The following SORCS2 variants were observed in gnomAD, a reference collection of about 807,000 sequenced individuals.
SORCS2 encodes sortilin related VPS10 domain containing receptor 2.
SORCS2 carries 100 observed loss-of-function variants against 141.6 expected under a neutral mutation model. The ratio of observed to expected loss-of-function variants is 0.71; its 90% CI spans 0.60 to 0.83. The LOEUF is 0.83. Ranked by LOEUF, SORCS2 falls within the 40% of genes least tolerant of loss-of-function variation. SORCS2 has a pLI of 0.00. For missense variants in SORCS2, 1,646 were observed against 1,560.2 expected, an observed-to-expected ratio of 1.05 and a Z score of -0.93; for synonymous variants, 789 against 676.9, an observed-to-expected ratio of 1.17 and a Z score of -2.57.
chr4:7,541,596 G>A lies in SORCS2; in HGVS notation c.648+9967G>A, dbSNP rs575407266. ...CAGGGCCTTGCTCGGGGGCGCCCAGGCAGCCAGGCCTCTCCCTCAAGTGGT... is the reference window on the plus strand; with the variant it reads ...CAGGGCCTTGCTCGGGGGCGCCCAGACAGCCAGGCCTCTCCCTCAAGTGGT... On this transcript the variant is annotated intron_variant, in intron 3 of 26. Coordinates refer to ENST00000507866, the MANE Select transcript of SORCS2 (RefSeq NM_020777.3). Among the ~76,000 whole-genome samples, 6 of 152,320 alleles carry A rather than the reference G, an allele frequency of 3.9e-5. No homozygotes were observed. In the East Asian group the frequency reaches 1.2e-3, roughly 30 times the overall value.
intron 1 of SORCS2, among the ~76,000 whole-genome samples, chr4:7,388,614 C>T (rs1174812239): frequency 6.6e-6 from 1 of 152,030 alleles, no homozygotes; most frequent in Non-Finnish European, 1.5e-5. Flanking sequence ...AGCATTTCAC[C>T]ATGTTTCTTC....
intron 14 of SORCS2, among the ~76,000 whole-genome samples, chr4:7,706,210 GGCTCCGTCTGGGCAGGGATGAGGCTGC>G (rs1725441546): frequency 4.0e-5 from 5 of 125,222 alleles, no homozygotes; most frequent in African/African-American, 5.9e-5. Flanking sequence ...GATGAGGCTG[GGCTCCGTCTGGGCAGGGATGAGGCTGC>G]GCTCCGCCTG....
In SORCS2 at chr4:7,695,940, G is replaced by GTGGATGGATGGA. The variant is rs779120222; in HGVS notation, c.1592-1237_1592-1226dup. 1.6e-4 allele frequency among the ~76,000 whole-genome samples: 14 copies of GTGGATGGATGGA among 88,526 alleles called. 3 individuals carry two copies. Among genetic ancestry groups the GTGGATGGATGGA allele is most frequent in the South Asian group, 1.0e-3 (3 of 2,898 alleles). 58.1% of individuals were successfully genotyped at this position (88,526 alleles called of 152,430 possible). On this transcript the variant is annotated intron_variant, in intron 11 of 26. Coordinates refer to ENST00000507866, the MANE Select transcript of SORCS2 (RefSeq NM_020777.3). ...GATGGATGGATTGGTGGGTGGGTGG[G>GTGGATGGATGGA]TGGATGGATGGATGGATGGATGGAT...
chr4:7,471,587 C>T (rs1051707256), intron 2 of SORCS2, among the ~76,000 whole-genome samples: 2 of 152,240 alleles, frequency 1.3e-5, no homozygotes, highest in Admixed American at 6.5e-5. Flanking sequence ...ACCCCGTTCT[C>T]GGTTCCTGGA....
intron 2 of SORCS2, among the ~76,000 whole-genome samples, chr4:7,397,399 A>G (rs1338545172): frequency 6.6e-6 from 1 of 151,340 alleles, no homozygotes; most frequent in Non-Finnish European, 1.5e-5. Flanking sequence ...GGTTTAAGAC[A>G]CTCACAGTCC....
At chr4:7,560,231 A>G (rs528091717) in intron 3 of SORCS2, among the ~76,000 whole-genome samples, 2 of 152,320 alleles carry the variant, frequency 1.3e-5, no homozygotes, top group African/African-American at 2.4e-5. Context: ...AGCTTCTGGC[A>G]GACTCTCGGG....
intron 1 of SORCS2, among the ~76,000 whole-genome samples, chr4:7,374,421 G>A (rs941823922): frequency 1.3e-5 from 2 of 152,146 alleles, no homozygotes; most frequent in Non-Finnish European, 2.9e-5. Flanking sequence ...CACATCATGA[G>A]CAAGGTGGAT....
Position 7,725,154 on chromosome 4 carries a change from C to A in SORCS2, c.2612C>A (p.Ser871Tyr). 2 of 1,612,286 alleles carry A rather than the reference C, an allele frequency of 1.2e-6. No individual in the cohort carries two copies. Among genetic ancestry groups the A allele is most frequent in the Non-Finnish European group, 1.7e-6 (2 of 1,179,010 alleles). The change falls in exon 20 of 27, where the codon TCC (serine) becomes TAC (tyrosine). Residue 871 changes from serine (S) to tyrosine (Y), a missense_variant and splice_region_variant. Ser to Tyr is a moderately radical substitution (Grantham distance 144, BLOSUM62 -2). Transcript: ENST00000507866. ...CCCTGGCCTTTTTGGGTCCCCACAGCCCCCCTGCAGGCCCTCTACCTGGAG... is the reference window on the plus strand; with the variant it reads ...CCCTGGCCTTTTTGGGTCCCCACAGACCCCCTGCAGGCCCTCTACCTGGAG... ...DEAVLFVQVNSPLQALYLEVV... is the reference protein window; with the variant it reads ...DEAVLFVQVNYPLQALYLEVV...
intron 11 of SORCS2, among the ~76,000 whole-genome samples, chr4:7,696,017 T>C (rs181348844): frequency 1.3e-5 from 2 of 152,016 alleles, no homozygotes; most frequent in East Asian, 3.9e-4. Context: ...GATGGGTGGA[T>C]TTACGAGTAG....
chr4:7,253,783 T>C (rs1229652235), intron 1 of SORCS2, among the ~76,000 whole-genome samples: 1 of 152,170 alleles, frequency 6.6e-6, no homozygotes, highest in Non-Finnish European at 1.5e-5. Flanking sequence ...TGCAGGAGGG[T>C]ACACGCACTG....
chr4:7,465,463 G>A (rs1477836904), intron 2 of SORCS2, among the ~76,000 whole-genome samples: 4 of 152,190 alleles, frequency 2.6e-5, no homozygotes, highest in Admixed American at 6.5e-5. Context: ...AGGCTTCCCT[G>A]TGCAAGGCGC....
intron 1 of SORCS2, among the ~76,000 whole-genome samples, chr4:7,366,933 C>T (rs555505782): frequency 2.8e-4 from 42 of 152,310 alleles, no homozygotes; most frequent in African/African-American, 7.2e-4. Flanking sequence ...TGAGTGCCTA[C>T]GCCTGAGAGG....
chr4:7,629,662 C>G lies in SORCS2; in HGVS notation c.649-8666C>G, dbSNP rs73218630. On this transcript the variant is annotated intron_variant, in intron 3 of 26. Coordinates refer to ENST00000507866, the MANE Select transcript of SORCS2 (RefSeq NM_020777.3). ...TCCTGCCATGCCTGGATGAGCTGTT[C>G]CTTTCCGGCACCCCCAGCCAGGAGT... Among the ~76,000 whole-genome samples, 1,108 of 151,656 alleles carry G rather than the reference C, an allele frequency of 7.3e-3. 10 individuals carry two copies. Among genetic ancestry groups the G allele is most frequent in the Non-Finnish European group, 0.013 (879 of 67,934 alleles).
chr4:7,388,117 C>T lies in SORCS2; in HGVS notation c.481-8171C>T, dbSNP rs973881148. Among the ~76,000 whole-genome samples the T allele has an allele frequency of 1.5e-4, 23 of 152,150 alleles. No individual in the cohort carries two copies. The East Asian group carries it at 4.4e-3, about 29-fold the overall frequency. On this transcript the variant is annotated intron_variant, in intron 1 of 26. Coordinates refer to ENST00000507866, the MANE Select transcript of SORCS2 (RefSeq NM_020777.3). ...ACACATGCATGCACAGACACATGCA[C>T]ACACATGTGCACACAGATGCACACA... is the stretch of plus-strand genomic sequence containing the variant.
intron 1 of SORCS2, among the ~76,000 whole-genome samples, chr4:7,320,189 C>G (rs1167588193): frequency 1.3e-5 from 2 of 152,288 alleles, no homozygotes; most frequent in East Asian, 3.9e-4. Flanking sequence ...ATATGCATCA[C>G]TTAAAAATAT....
intron 8 of SORCS2, among the ~76,000 whole-genome samples, chr4:7,669,575 GTTTTA>G (rs2108935785): frequency 6.6e-6 from 1 of 152,338 alleles, no homozygotes; most frequent in Non-Finnish European, 1.5e-5. Flanking sequence ...AGATGTTGTT[GTTTTA>G]TGGTGAATTT....
intron 3 of SORCS2, among the ~76,000 whole-genome samples, chr4:7,535,341 G>A (rs1219358963): frequency 6.6e-6 from 1 of 152,216 alleles, no homozygotes; most frequent in Admixed American, 6.5e-5. Context: ...GGCCAGGAGT[G>A]CAGCGGATGT....
chr4:7,590,252 G>A (rs922061460), intron 3 of SORCS2, among the ~76,000 whole-genome samples: 19 of 152,150 alleles, frequency 1.2e-4, no homozygotes, highest in Admixed American at 6.5e-4. Context: ...AATATGTGGC[G>A]GAAAATTATG....
At chr4:7,323,174 A>C (rs1374053546) in intron 1 of SORCS2, among the ~76,000 whole-genome samples, 3 of 152,232 alleles carry the variant, frequency 2.0e-5, no homozygotes, top group Non-Finnish European at 4.4e-5. Flanking sequence ...CTTACACTTC[A>C]CTAAGATAAC....
Sources: allele counts gnomAD v4.1 joint callset (sites outside exome capture counted in the v4.1 genomes callset), GRCh38; gene constraint gnomAD v4.1.1; transcripts MANE v1.5; gene names NCBI Gene and HGNC (gene_info 2026-07-23, HGNC 2026-07-21).